Variants in A2ML1 observed in about 807,000 individuals in gnomAD.
A2ML1 encodes the protein alpha-2-macroglobulin like 1.
In A2ML1, 161 loss-of-function variants were observed where a neutral mutation model predicts 181.9. The ratio of observed to expected loss-of-function variants is 0.89; its 90% CI spans 0.78 to 1.01. The LOEUF (loss-of-function observed/expected upper bound fraction) is 1.01. Ranked by LOEUF, A2ML1 falls within the 50% of genes least tolerant of loss-of-function variation. The pLI is 0.00. For synonymous variants in A2ML1, 663 were observed against 666.8 expected, an observed-to-expected ratio of 0.99 and a Z score of 0.09; for missense variants, 1,670 against 1,768.1, an observed-to-expected ratio of 0.94 and a Z score of 1.00.
chr12:8,847,532 AC>A lies in A2ML1; in HGVS notation c.1684-15del. The A allele has an allele frequency of 1.9e-6, 3 of 1,600,302 alleles. No homozygotes were observed. Among genetic ancestry groups the A allele is most frequent in the Non-Finnish European group, 2.6e-6 (3 of 1,174,382 alleles). On this transcript the variant is annotated splice_polypyrimidine_tract_variant and intron_variant, in intron 14 of 35. Transcript: ENST00000299698. ...CAGGCTGACCTGATCCCCAAGTTAT[AC>A]CTTTCCCTTCCCCAGGTTTCCCTTG... is the stretch of plus-strand genomic sequence containing the variant.
chr12:8,853,178 G>A (rs1167878369), intron 20 of A2ML1, among the ~76,000 whole-genome samples: 2 of 152,170 alleles, frequency 1.3e-5, no homozygotes, highest in Non-Finnish European at 2.9e-5. Context: ...AGTTGGCAGA[G>A]AAGCGGTCTT....
chr12:8,825,873 C>G (rs1190933040), intron 3 of A2ML1, among the ~76,000 whole-genome samples: 1 of 152,128 alleles, frequency 6.6e-6, no homozygotes, highest in African/African-American at 2.4e-5. Flanking sequence ...CCAGTGTATA[C>G]ACTTGTCACC....
In A2ML1 at chr12:8,867,946, C is replaced by T. The variant is rs754178510; in HGVS notation, c.3822C>T (p.Arg1274=). ...LVVKSTENFQ[R]TFNIQSVNRL... ...TAAAATCCACTGAGAATTTCCAGCGCACATTCAACATACAGTCAGTTAACA... is the reference window on the plus strand; with the variant it reads ...TAAAATCCACTGAGAATTTCCAGCGTACATTCAACATACAGTCAGTTAACA... The change falls in exon 30 of 36, where the codon CGC becomes CGT. Residue 1274 remains arginine, a synonymous_variant. Coordinates refer to ENST00000299698, the MANE Select transcript of A2ML1 (RefSeq NM_144670.6). 1.2e-6 allele frequency: 2 copies of T among 1,614,112 alleles called. No individual in the cohort carries two copies. The highest frequency in any genetic ancestry group is 1.7e-6 in the Non-Finnish European group (2 of 1,180,058).
rs1238291609 is a variant in A2ML1, at chr12:8,842,985, T to C, written c.1249-149T>C. The C allele has an allele frequency of 4.2e-6, 3 of 706,504 alleles. No homozygotes were observed. The African/African-American group carries it at 5.3e-5, about 13-fold the overall frequency. 43.8% of individuals were successfully genotyped at this position (706,504 alleles called of 1,614,324 possible). On this transcript the variant is annotated intron_variant, in intron 11 of 35. Transcript: ENST00000299698. ...ACGTTTATGGATTCTTTATCCATCC[T>C]TGGCTGGACCGCTAATGAAATACCC...
At chr12:8,864,058 G>C in intron 29 of A2ML1, 50 bp downstream of exon 29, 1 of 1,550,860 alleles carries the variant, frequency 6.4e-7, no homozygotes, top group Non-Finnish European at 8.9e-7. Context: ...ATTAGATCTT[G>C]TGTGGAGATA....
At chr12:8,841,658 C>A in intron 11 of A2ML1, 122 bp downstream of exon 11, 1 of 1,041,002 alleles carries the variant, frequency 9.6e-7, no homozygotes, top group Non-Finnish European at 1.4e-6. Flanking sequence ...CTCACAAGTC[C>A]TGCTCTCCCG....
chr12:8,868,413 C>G, intron 31 of A2ML1, 56 bp downstream of exon 31: 1 of 1,603,824 alleles, frequency 6.2e-7, no homozygotes, highest in Non-Finnish European at 8.5e-7. Context: ...AGGAGCTGAG[C>G]TGGGACACTT....
In A2ML1 at chr12:8,861,948, AG is replaced by A. The variant is rs533515284; in HGVS notation, c.3502+655del. 6.0e-5 allele frequency among the ~76,000 whole-genome samples: 9 copies of A among 150,760 alleles called. No homozygotes were observed. In the South Asian group the frequency reaches 1.9e-3, roughly 32 times the overall value. ...CTAATTTTTGTATTTTTAGTAGAGA[AG>A]GGGTTTCGCCCTGTTGACCAGGGTG... is the stretch of plus-strand genomic sequence containing the variant. On this transcript the variant is annotated intron_variant, in intron 28 of 35. Coordinates refer to ENST00000299698, the MANE Select transcript of A2ML1 (RefSeq NM_144670.6).
intron 8 of A2ML1, among the ~76,000 whole-genome samples, chr12:8,837,852 C>T (rs1943337358): frequency 7.0e-6 from 1 of 143,098 alleles, no homozygotes; most frequent in African/African-American, 2.6e-5. Flanking sequence ...TGCACTCCAG[C>T]GTGGGTGACA....
At chr12:8,856,131 G>A (rs1486158860) in intron 23 of A2ML1, among the ~76,000 whole-genome samples, 1 of 152,056 alleles carries the variant, frequency 6.6e-6, no homozygotes, top group East Asian at 1.9e-4. Flanking sequence ...CTCTCAGACT[G>A]GTGTAAAGAT....
At chr12:8,836,710 C>T (rs2136769331) in intron 7 of A2ML1, among the ~76,000 whole-genome samples, 1 of 152,242 alleles carries the variant, frequency 6.6e-6, no homozygotes, top group East Asian at 1.9e-4. Context: ...TCTCGGACTC[C>T]TGACCTCAGG....
rs115248347 is a variant in A2ML1 at position 8,849,815 on chromosome 12, T to C, written c.2119+56T>C. 7.1e-4 allele frequency: 1,084 copies of C among 1,533,776 alleles called. 8 individuals carry two copies. In the African/African-American group the frequency reaches 0.014, roughly 20 times the overall value. The stretch of plus-strand genomic sequence containing the variant: ...TGAGATGTTAACAGTCCTGGAACTC[T>C]GCAGATTTCCTCTTGCCTCCTGTTC... On this transcript the variant is annotated intron_variant, in intron 17 of 35. Transcript: ENST00000299698.
intron 4 of A2ML1, among the ~76,000 whole-genome samples, chr12:8,832,213 G>T (rs886317378): frequency 6.6e-6 from 1 of 152,136 alleles, no homozygotes; most frequent in African/African-American, 2.4e-5. Flanking sequence ...CAGATTACTG[G>T]TCTGGGTGGT....
In A2ML1 at chr12:8,863,970, A is replaced by C; in HGVS notation, c.3679A>C (p.Lys1227Gln). The C allele has an allele frequency of 6.2e-7, 1 of 1,613,016 alleles. No individual in the cohort carries two copies. The highest frequency in any genetic ancestry group is 2.2e-5 in the East Asian group (1 of 44,876). The change falls in exon 29 of 36, where the codon AAG becomes CAG. Residue 1227 changes from lysine to glutamine, a missense_variant. Transcript: ENST00000299698. ...CACTAGCATAGTGGCTTGGTTGGCC[A>C]AGCAACACAATGCATATGGGGGCTT... is the stretch of plus-strand genomic sequence containing the variant. ...KATSIVAWLA[K>Q]QHNAYGGFSS...
At chr12:8,844,846 A>C in intron 12 of A2ML1, 1 of 342,512 alleles carries the variant, frequency 2.9e-6, no homozygotes, top group Non-Finnish European at 4.7e-6. Context: ...GCCACGTGGA[A>C]TGGCTAATGC....
chr12:8,881,494 TCTC>T (rs1443249113), downstream of A2ML1, among the ~76,000 whole-genome samples: 1 of 152,170 alleles, frequency 6.6e-6, no homozygotes, highest in African/African-American at 2.4e-5. Context: ...TTATTCTCCT[TCTC>T]CTGATATGGG....
At chr12:8,842,600 C>T (rs1310352057) in intron 11 of A2ML1, among the ~76,000 whole-genome samples, 1 of 152,118 alleles carries the variant, frequency 6.6e-6, no homozygotes, top group Non-Finnish European at 1.5e-5. Flanking sequence ...ACCACATGCT[C>T]AAGGATGCTG....
chr12:8,873,682 G>A (rs1374553489), intron 33 of A2ML1, among the ~76,000 whole-genome samples: 1 of 152,180 alleles, frequency 6.6e-6, no homozygotes, highest in Non-Finnish European at 1.5e-5. Context: ...GGCCAGGGAT[G>A]TGACTCTTTT....
chr12:8,846,742 C>T (rs1045818640), intron 14 of A2ML1, among the ~76,000 whole-genome samples: 5 of 148,930 alleles, frequency 3.4e-5, no homozygotes, highest in Admixed American at 2.7e-4. Flanking sequence ...ACCCAGGAGA[C>T]GGAGGTTGCA....
Sources: gnomAD v4.1 joint callset for allele counts (sites outside exome capture counted in the v4.1 genomes callset) on GRCh38, gnomAD v4.1.1 for gene constraint, MANE v1.5 for transcripts, NCBI Gene and HGNC (gene_info 2026-07-23, HGNC 2026-07-21) for gene names.